Variants in PPM1L observed in about 807,000 individuals in gnomAD.
PPM1L encodes protein phosphatase 1L.
In PPM1L, 13 loss-of-function variants were observed where a neutral mutation model predicts 31.4. That is an observed-to-expected ratio of 0.41 (90% CI 0.27 to 0.66). The LOEUF (loss-of-function observed/expected upper bound fraction) is 0.66, where lower values mean the gene tolerates loss of function less well. Among genes scored for constraint, PPM1L ranks in the 30% least tolerant of loss-of-function variants. The pLI, the probability that PPM1L is intolerant of heterozygous loss-of-function variation, is 0.29. For missense variants in PPM1L, 326 were observed against 453.7 expected (o/e 0.72, Z 2.56); for synonymous variants, 184 against 175.4 (o/e 1.05, Z -0.39).
intron 1 of PPM1L, among the ~76,000 whole-genome samples, chr3:160,785,103 C>T (rs879702097): frequency 1.3e-5 from 2 of 152,094 alleles, no homozygotes; most frequent in Non-Finnish European, 2.9e-5. Context: ...TTTTCCTTAT[C>T]TCCTTCAACA....
chr3:160,838,723 C>T (rs905136397), intron 1 of PPM1L, among the ~76,000 whole-genome samples: 1 of 151,968 alleles, frequency 6.6e-6, no homozygotes, highest in African/African-American at 2.4e-5. Context: ...CAATGTGAGG[C>T]CATCTCTAGT....
chr3:161,052,736 A>G (rs1189554622), intron 2 of PPM1L, among the ~76,000 whole-genome samples: 1 of 152,224 alleles, frequency 6.6e-6, no homozygotes, highest in East Asian at 1.9e-4. Flanking sequence ...TAACCTAATA[A>G]TATCAAAGGA....
At chr3:160,946,478 C>T (rs1287568784) in intron 1 of PPM1L, among the ~76,000 whole-genome samples, 1 of 152,154 alleles carries the variant, frequency 6.6e-6, no homozygotes, top group Non-Finnish European at 1.5e-5. Flanking sequence ...TCTGATTTCT[C>T]CAGCCCTCCT....
intron 1 of PPM1L, among the ~76,000 whole-genome samples, chr3:160,944,176 G>A (rs963930337): frequency 1.3e-5 from 2 of 151,894 alleles, no homozygotes; most frequent in African/African-American, 4.8e-5. Context: ...TCTAAGGTTG[G>A]AGCAGCTGTG....
At position 161,070,949 on chromosome 3, in the gene PPM1L, A is replaced by G. The variant is rs1462341202; in HGVS notation, c.*1792A>G. ...TCCCATGAGATTTGCTTACTTTTGT[A>G]TACTGTATTTTCCAGCATTACAGAA... On this transcript the variant is annotated 3_prime_UTR_variant, in exon 4 of 4. Coordinates refer to ENST00000498165, the MANE Select transcript of PPM1L (RefSeq NM_139245.4). 1.3e-5 allele frequency: 2 copies of G among 152,206 alleles called. No homozygotes were observed. The highest frequency in any genetic ancestry group is 2.4e-5 in the African/African-American group (1 of 41,454). 9.4% of individuals were successfully genotyped at this position (152,206 alleles called of 1,614,324 possible).
intron 1 of PPM1L, among the ~76,000 whole-genome samples, chr3:160,931,857 G>T (rs1264640963): frequency 6.6e-6 from 1 of 152,108 alleles, no homozygotes; most frequent in Non-Finnish European, 1.5e-5. Context: ...TTTTAAAAAG[G>T]CTACTTTGAG....
At chr3:160,968,502 A>G (rs1716224535) in intron 2 of PPM1L, among the ~76,000 whole-genome samples, 1 of 152,196 alleles carries the variant, frequency 6.6e-6, no homozygotes, top group Non-Finnish European at 1.5e-5. Context: ...CAAGAGAGGG[A>G]ATCTTTCCTC....
At chr3:160,985,779 C>T (rs1031692985) in intron 2 of PPM1L, among the ~76,000 whole-genome samples, 2 of 152,050 alleles carry the variant, frequency 1.3e-5, no homozygotes, top group Non-Finnish European at 2.9e-5. Context: ...AAAGTATCCT[C>T]TCTAAAAATA....
intron 2 of PPM1L, among the ~76,000 whole-genome samples, chr3:161,020,323 T>C (rs770539836): frequency 1.1e-4 from 16 of 152,146 alleles, no homozygotes; most frequent in African/African-American, 2.2e-4. Context: ...TTTAAACTTA[T>C]AAGTAATTGA....
chr3:160,862,662 G>GCATA (rs1553814127), intron 1 of PPM1L, among the ~76,000 whole-genome samples: 17 of 127,224 alleles, frequency 1.3e-4, no homozygotes, highest in Admixed American at 1.1e-3. Context: ...CTAGGCACAC[G>GCATA]CACACACACA....
chr3:161,043,099 G>A (rs1576802130), intron 2 of PPM1L, among the ~76,000 whole-genome samples: 1 of 150,156 alleles, frequency 6.7e-6, no homozygotes, highest in East Asian at 1.9e-4. Flanking sequence ...AAAATAGACT[G>A]GTAACAAGTG....
intron 1 of PPM1L, among the ~76,000 whole-genome samples, chr3:160,781,958 G>GT (rs1711759065): frequency 6.6e-6 from 1 of 152,080 alleles, no homozygotes; most frequent in African/African-American, 2.4e-5. Context: ...TTTGGCCAGT[G>GT]TTTTGTTCCT....
rs372191257 is a variant in PPM1L at position 160,756,584 on chromosome 3, C to T, written c.276C>T (p.Asn92=). 9 of 1,613,988 alleles carry T rather than the reference C, an allele frequency of 5.6e-6. No homozygotes were observed. In the African/African-American group the frequency reaches 9.3e-5, roughly 17 times the overall value. ...FSKTWEFKNH[N]VAVYSIQGRR... is the part of the protein sequence containing the mutation. ...AGACCTGGGAGTTCAAGAACCACAACGTGGCGGTGTACTCCATCCAGGGCC... is the reference window on the plus strand; with the variant it reads ...AGACCTGGGAGTTCAAGAACCACAATGTGGCGGTGTACTCCATCCAGGGCC... The change falls in exon 1 of 4, where the codon AAC becomes AAT. Residue 92 remains asparagine (N), a synonymous_variant. Coordinates refer to ENST00000498165, the MANE Select transcript of PPM1L (RefSeq NM_139245.4). This position sits in a 1 kb window ranked among gnomAD's most constrained non-coding sequence, Gnocchi z 6.2.
chr3:161,074,688 C>T lies in PPM1L; in HGVS notation c.*5531C>T, dbSNP rs192690544. 1.1e-4 allele frequency: 17 copies of T among 152,236 alleles called. No individual in the cohort carries two copies. Among genetic ancestry groups the T allele is most frequent in the African/African-American group, 3.9e-4 (16 of 41,538 alleles). The allele number at this position is 152,236 out of a possible 1,614,324, so 9.4% of individuals were successfully genotyped here. ...ATTTTTACCACTGTTGAACAGCAAA[C>T]TGTTGAGGCTAGGGTTGATTATTGA... On this transcript the variant is annotated 3_prime_UTR_variant, in exon 4 of 4. Coordinates refer to ENST00000498165, the MANE Select transcript of PPM1L (RefSeq NM_139245.4).
intron 1 of PPM1L, among the ~76,000 whole-genome samples, chr3:160,944,802 C>CAT (rs1358524949): frequency 1.4e-4 from 2 of 14,336 alleles, no homozygotes; most frequent in African/African-American, 3.0e-4. Flanking sequence ...TTATATATAA[C>CAT]ATATATAACA....
chr3:160,999,952 A>T (rs549143809), intron 2 of PPM1L, among the ~76,000 whole-genome samples: 2 of 152,148 alleles, frequency 1.3e-5, no homozygotes, highest in Non-Finnish European at 2.9e-5. Context: ...GGATATTTTT[A>T]TTGTAAGTAC....
Position 161,020,124 on chromosome 3 carries a change from CAA to C in PPM1L, c.575-45263_575-45262del, listed in dbSNP as rs11363095. Among the ~76,000 whole-genome samples, 117 of 115,378 alleles carry C rather than the reference CAA, an allele frequency of 1.0e-3. 1 individual carries two copies. Among genetic ancestry groups the C allele is most frequent in the East Asian group, 1.6e-3 (7 of 4,434 alleles). The allele number at this position is 115,378 out of a possible 152,430, so 75.7% of individuals were successfully genotyped here. ...CTAGCGACAGAGAGAGACTCCACCT[CAA>C]AAAAAAAAAAAAAAAGTTGTACTAA... is the stretch of plus-strand genomic sequence containing the variant. On this transcript the variant is annotated intron_variant, in intron 2 of 3. Transcript: ENST00000498165.
chr3:160,945,120 T>TATATAA (rs1559897807), intron 1 of PPM1L, among the ~76,000 whole-genome samples: 57 of 16,234 alleles, frequency 3.5e-3, no homozygotes, highest in African/African-American at 6.5e-3. Context: ...ATGTTATCTA[T>TATATAA]CTATCTATCT....
intron 1 of PPM1L, among the ~76,000 whole-genome samples, chr3:160,852,306 C>CA (rs967899511): frequency 4.0e-4 from 60 of 149,232 alleles, no homozygotes; most frequent in African/African-American, 9.1e-4. Context: ...GTTACAAAAA[C>CA]AAAAAAAAAT....
Sources: allele counts gnomAD v4.1 joint callset (sites outside exome capture counted in the v4.1 genomes callset), GRCh38; gene constraint gnomAD v4.1.1; non-coding constraint Gnocchi (gnomAD v3.1); transcripts MANE v1.5; gene names NCBI Gene and HGNC (gene_info 2026-07-23, HGNC 2026-07-21).